Variants in CDH12 observed in about 807,000 individuals in gnomAD.
CDH12 encodes cadherin-12.
CDH12 carries 41 observed loss-of-function variants against 74.1 expected under a neutral mutation model. The ratio of observed to expected loss-of-function variants is 0.55; its 90% confidence interval spans 0.43 to 0.72. The LOEUF is 0.72. Among genes scored for constraint, CDH12 ranks in the 30% least tolerant of loss-of-function variants. The pLI is 0.00. For synonymous variants in CDH12, 399 were observed against 355.0 expected, an observed-to-expected ratio of 1.12 and a Z score of -1.39; for missense variants, 945 against 977.2, an observed-to-expected ratio of 0.97 and a Z score of 0.44.
At chr5:22,331,991 T>C (rs1277351698) in intron 3 of CDH12, among the ~76,000 whole-genome samples, 1 of 152,030 alleles carries the variant, frequency 6.6e-6, no homozygotes, top group East Asian at 1.9e-4. Context: ...AATAAAAAAA[T>C]GAAGCTTGCC....
intron 1 of CDH12, among the ~76,000 whole-genome samples, chr5:22,823,665 C>T (rs1248172320): frequency 6.6e-6 from 1 of 152,046 alleles, no homozygotes; most frequent in Non-Finnish European, 1.5e-5. Flanking sequence ...GAGAAAGGGA[C>T]CTGGCAGGAG....
intron 10 of CDH12, among the ~76,000 whole-genome samples, chr5:21,784,128 T>A (rs1746070626): frequency 6.6e-6 from 1 of 152,146 alleles, no homozygotes. Flanking sequence ...TCTCTTTATC[T>A]TGTTTATTAT....
intron 3 of CDH12, among the ~76,000 whole-genome samples, chr5:22,351,351 G>T (rs1740347648): frequency 6.6e-6 from 1 of 152,184 alleles, no homozygotes. Flanking sequence ...GTGAGCCACA[G>T]GTGATGGCCC....
chr5:22,669,779 T>C (rs1170158759), intron 1 of CDH12, among the ~76,000 whole-genome samples: 1 of 152,224 alleles, frequency 6.6e-6, no homozygotes, highest in African/African-American at 2.4e-5. Flanking sequence ...TTTCTGCTTA[T>C]ATGAGCAAAA....
chr5:21,896,390 T>A (rs995875105), intron 6 of CDH12, among the ~76,000 whole-genome samples: 2 of 152,178 alleles, frequency 1.3e-5, no homozygotes. Context: ...TGCTCAAAAA[T>A]CTAAAAGATG....
At chr5:22,827,227 C>A (rs1227854519) in intron 1 of CDH12, among the ~76,000 whole-genome samples, 1 of 152,188 alleles carries the variant, frequency 6.6e-6, no homozygotes, top group Non-Finnish European at 1.5e-5. Context: ...ATGGCGTCTT[C>A]CATGTGGTGT....
chr5:21,938,665 T>A (rs1460169252), intron 6 of CDH12, among the ~76,000 whole-genome samples: 1 of 147,150 alleles, frequency 6.8e-6, no homozygotes, highest in African/African-American at 2.5e-5. Context: ...AGTTACTTGC[T>A]AAATTTTAAG....
intron 2 of CDH12, among the ~76,000 whole-genome samples, chr5:22,422,324 C>T (rs1331684530): frequency 6.6e-6 from 1 of 152,038 alleles, no homozygotes; most frequent in Non-Finnish European, 1.5e-5. Flanking sequence ...TAGAAGGCTT[C>T]TTCTGCATCT....
At chr5:22,291,603 C>T (rs545702588) in intron 3 of CDH12, among the ~76,000 whole-genome samples, 2 of 152,198 alleles carry the variant, frequency 1.3e-5, no homozygotes, top group South Asian at 2.1e-4. Flanking sequence ...ATCCTATTTA[C>T]ACTAGCTATA....
At chr5:22,404,718 AG>A (rs1368970387) in intron 3 of CDH12, among the ~76,000 whole-genome samples, 47 of 152,342 alleles carry the variant, frequency 3.1e-4, no homozygotes, top group African/African-American at 1.0e-3. Flanking sequence ...TATGTGTTTG[AG>A]GAAACAACTT....
intron 10 of CDH12, among the ~76,000 whole-genome samples, chr5:21,801,021 C>T (rs553309060): frequency 2.6e-5 from 4 of 152,186 alleles, no homozygotes; most frequent in East Asian, 1.9e-4. Flanking sequence ...AGTGTGAAAA[C>T]GAACTAATAC....
At chr5:22,546,605 CACTA>C (rs759116169) in intron 1 of CDH12, among the ~76,000 whole-genome samples, 40 of 152,194 alleles carry the variant, frequency 2.6e-4, no homozygotes, top group Middle Eastern at 3.4e-3. Context: ...TACTGAATTA[CACTA>C]TAAATCATAG....
intron 2 of CDH12, among the ~76,000 whole-genome samples, chr5:22,475,223 T>C (rs1055720752): frequency 6.6e-5 from 10 of 151,752 alleles, no homozygotes; most frequent in African/African-American, 2.4e-4. Flanking sequence ...TCTAGTTGGG[T>C]GAAATGATCT....
At chr5:22,455,880 G>A (rs1338695356) in intron 2 of CDH12, among the ~76,000 whole-genome samples, 1 of 152,148 alleles carries the variant, frequency 6.6e-6, no homozygotes. Flanking sequence ...TAAATGATAA[G>A]CAATGTCCAA....
intron 8 of CDH12, among the ~76,000 whole-genome samples, chr5:21,825,117 C>T (rs1748593529): frequency 1.4e-5 from 2 of 148,070 alleles, no homozygotes; most frequent in Admixed American, 1.4e-4. Flanking sequence ...CATGCCACTG[C>T]ACACCAGCCT....
At chr5:21,968,048 T>A (rs534770426) in intron 6 of CDH12, among the ~76,000 whole-genome samples, 52 of 152,312 alleles carry the variant, frequency 3.4e-4, no homozygotes, top group African/African-American at 1.1e-3. Flanking sequence ...GTCATTATGT[T>A]TTTAAATAAA....
At chr5:21,869,336 A>C (rs1751496335) in intron 6 of CDH12, among the ~76,000 whole-genome samples, 1 of 152,220 alleles carries the variant, frequency 6.6e-6, no homozygotes, top group South Asian at 2.1e-4. Flanking sequence ...GTCTTCCTGT[A>C]AAGAACCATG....
chr5:22,343,321 C>CAGAG (rs1283582617), intron 3 of CDH12, among the ~76,000 whole-genome samples: 63 of 124,284 alleles, frequency 5.1e-4, no homozygotes, highest in African/African-American at 2.1e-3. Flanking sequence ...CAGACACACA[C>CAGAG]ACAGAGAGAG....
chr5:21,977,324 T>C lies in CDH12; in HGVS notation c.232-1939A>G, dbSNP rs1462884758. On this transcript the variant is annotated intron_variant, in intron 5 of 14. Coordinates refer to ENST00000382254, the MANE Select transcript of CDH12 (RefSeq NM_004061.5). ...TTCAAGCATAAAATCAAGCAGTAGA[T>C]AAATGTTCTTTGAACTTATGAATTT... Among the ~76,000 whole-genome samples the C allele has an allele frequency of 2.0e-5, 3 of 152,086 alleles. No homozygotes were observed. The East Asian group carries it at 5.8e-4, about 29-fold the overall frequency.
Sources: allele counts gnomAD v4.1 joint callset (sites outside exome capture counted in the v4.1 genomes callset), GRCh38; gene constraint gnomAD v4.1.1; transcripts MANE v1.5; gene names NCBI Gene and HGNC (gene_info 2026-07-23, HGNC 2026-07-21).